The following ECD variants were observed in gnomAD, a reference collection of about 807,000 sequenced individuals.
ECD encodes the protein protein ecdysoneless homolog.
In ECD, 59 loss-of-function variants were observed where a neutral mutation model predicts 77.2. That is an observed-to-expected ratio of 0.76 (90% CI 0.62 to 0.95). ECD has a LOEUF of 0.95. Among genes scored for constraint, ECD ranks in the 40% least tolerant of loss-of-function variants. ECD has a pLI of 0.00. For missense variants in ECD, 704 were observed against 763.4 expected, an observed-to-expected ratio of 0.92 and a Z score of 0.92; for synonymous variants, 233 against 267.4, an observed-to-expected ratio of 0.87 and a Z score of 1.26.
At chr10:73,155,552 G>GA (rs951306352) in intron 5 of ECD, among the ~76,000 whole-genome samples, 1 of 145,356 alleles carries the variant, frequency 6.9e-6, no homozygotes, top group African/African-American at 2.5e-5. Context: ...CAGAACAACA[G>GA]AAAAAACCTG....
At chr10:73,147,113 G>A (rs1460314375) in intron 8 of ECD, among the ~76,000 whole-genome samples, 3 of 145,124 alleles carry the variant, frequency 2.1e-5, no homozygotes, top group Admixed American at 2.0e-4. Context: ...AGGCAATGGT[G>A]GCACATGCCT....
chr10:73,141,122 T>C (rs893592270), intron 9 of ECD, among the ~76,000 whole-genome samples: 2 of 151,978 alleles, frequency 1.3e-5, no homozygotes, highest in South Asian at 2.1e-4. Context: ...GGAAGTTCTT[T>C]AACTTTTGCA....
rs140680519 is a variant in ECD at position 73,154,367 on chromosome 10, G to T, written c.672C>A (p.Arg224=). ...PAGIVAVLKQ[R]PRLVAAAVQA... ...GGACTGCTGCAGCCACCAATCTGGG[G>T]CGCTGCTTTAGCACTGCCACAATGC... The change falls in exon 6 of 14, where the codon CGC becomes CGA. Residue 224 remains arginine, a synonymous_variant. Coordinates refer to ENST00000372979, the MANE Select transcript of ECD (RefSeq NM_007265.3). 65 of 1,614,134 alleles carry T rather than the reference G, an allele frequency of 4.0e-5. No individual in the cohort carries two copies. The African/African-American group carries it at 7.6e-4, about 19-fold the overall frequency.
intron 6 of ECD, 93 bp from the exon 7 acceptor site, chr10:73,152,514 T>C: frequency 7.1e-7 from 1 of 1,406,614 alleles, no homozygotes; most frequent in Non-Finnish European, 9.8e-7. Context: ...AGTCCATTTA[T>C]AAGCTTCATA....
intron 1 of ECD, among the ~76,000 whole-genome samples, chr10:73,166,915 A>C (rs549963001): frequency 6.6e-6 from 1 of 152,282 alleles, no homozygotes; most frequent in South Asian, 2.1e-4. Flanking sequence ...AGTTTCCCCA[A>C]TATTTCCTTT....
At chr10:73,145,837 G>A (rs1164692774) in intron 9 of ECD, among the ~76,000 whole-genome samples, 5 of 151,908 alleles carry the variant, frequency 3.3e-5, no homozygotes, top group Admixed American at 2.6e-4. Context: ...TAGATACGGG[G>A]TTTCACCATG....
chr10:73,144,637 G>A (rs887090378), intron 9 of ECD, among the ~76,000 whole-genome samples: 1 of 152,056 alleles, frequency 6.6e-6, no homozygotes, highest in Non-Finnish European at 1.5e-5. Context: ...TCTGCCTATG[G>A]AGTAGCCATT....
Position 73,156,631 on chromosome 10 carries a change from G to A in ECD, c.348C>T (p.Phe116=), listed in dbSNP as rs767505500. Residue 116 remains phenylalanine, a synonymous_variant, in exon 4 of 14, where the codon TTC becomes TTT. Transcript: ENST00000372979. The part of the protein sequence containing the change: ...VARIEDNDGE[F]LLIEAADFLP... ...GAAAGTCAGCAGCTTCTATTAACAA[G>A]AATTCACCATCATTGTCTTCAATCC... 6.2e-7 allele frequency: 1 copy of A among 1,613,694 alleles called. No homozygotes were observed. Among genetic ancestry groups the A allele is most frequent in the South Asian group, 1.1e-5 (1 of 91,064 alleles).
chr10:73,142,132 T>C (rs1231025292), intron 9 of ECD, among the ~76,000 whole-genome samples: 1 of 151,890 alleles, frequency 6.6e-6, no homozygotes, highest in Non-Finnish European at 1.5e-5. Flanking sequence ...ATTTTTAATT[T>C]GAGTAGCTGG....
intron 3 of ECD, among the ~76,000 whole-genome samples, chr10:73,158,820 T>G (rs1046676737): frequency 3.3e-5 from 5 of 152,150 alleles, no homozygotes; most frequent in Non-Finnish European, 7.3e-5. Context: ...GGAGGATGGC[T>G]TGAGCCCAGG....
rs570076178 is a variant in ECD at position 73,148,535 on chromosome 10, A to T, written c.913-131T>A. 1.5e-3 allele frequency: 1,387 copies of T among 936,228 alleles called. 6 individuals carry two copies. The highest frequency in any genetic ancestry group is 4.1e-3 in the Admixed American group (118 of 28,448). The allele number at this position is 936,228 out of a possible 1,614,324, so 58.0% of individuals were successfully genotyped here. A position where few individuals can be genotyped will look rare whatever the true frequency, so the allele number is the denominator to read the frequency against. ...TGGATACATGGGCATTTGGACAATT[A>T]TAACACTTTTTGAATTTTATGAAAA... On this transcript the variant is annotated intron_variant, in intron 7 of 13. Coordinates refer to ENST00000372979, the MANE Select transcript of ECD (RefSeq NM_007265.3).
chr10:73,167,279 T>G (rs1310560868), intron 1 of ECD, among the ~76,000 whole-genome samples: 1 of 152,188 alleles, frequency 6.6e-6, no homozygotes, highest in Non-Finnish European at 1.5e-5. Flanking sequence ...TTGGCTATTC[T>G]GGCTCTTTTG....
At position 73,134,007 on chromosome 10, in the gene ECD, A is replaced by C. The variant is rs1173351810; in HGVS notation, c.*576T>G. On this transcript the variant is annotated 3_prime_UTR_variant, in exon 14 of 14. Transcript: ENST00000372979. ...GCACAATTTTGTAAATATACTAAAA[A>C]CCACTGAATTGTATAATTTAAAGGG... 2.6e-5 allele frequency: 4 copies of C among 152,442 alleles called. No homozygotes were observed. Among genetic ancestry groups the C allele is most frequent in the Non-Finnish European group, 5.9e-5 (4 of 68,298 alleles). The allele number at this position is 152,442 out of a possible 1,614,324, so 9.4% of individuals were successfully genotyped here.
In ECD at chr10:73,165,618, G is replaced by GTT. The variant is rs58191783; in HGVS notation, c.-13-1670_-13-1669dup. Reference sequence around the variant, plus strand: ...ACCTGCCTCGGCCTCCCAAAGTGCTGTTTTTTTTTTTTAATTTTTAAGGGT... The same window carrying GTT: ...ACCTGCCTCGGCCTCCCAAAGTGCTGTTTTTTTTTTTTTTAATTTTTAAGGGT... On this transcript the variant is annotated intron_variant, in intron 1 of 13. Transcript: ENST00000372979. Among the ~76,000 whole-genome samples the GTT allele has an allele frequency of 1.3e-3, 180 of 143,912 alleles. 1 individual carries two copies. The highest frequency in any genetic ancestry group is 2.1e-3 in the African/African-American group (85 of 39,688). The allele number at this position is 143,912 out of a possible 152,430, so 94.4% of individuals were successfully genotyped here. A position where few individuals can be genotyped will look rare whatever the true frequency, so the allele number is the denominator to read the frequency against.
chr10:73,137,272 C>T (rs1028774502), intron 12 of ECD, among the ~76,000 whole-genome samples: 1 of 152,140 alleles, frequency 6.6e-6, no homozygotes, highest in African/African-American at 2.4e-5. Context: ...TCTCCAATCT[C>T]ACTCTCTCCC....
chr10:73,148,367 G>A lies in ECD; in HGVS notation c.950C>T (p.Pro317Leu). 6.2e-7 allele frequency: 1 copy of A among 1,613,820 alleles called. No homozygotes were observed. Among genetic ancestry groups the A allele is most frequent in the Non-Finnish European group, 8.5e-7 (1 of 1,179,826 alleles). The change falls in exon 8 of 14, where the codon CCA becomes CTA. Residue 317 changes from proline to leucine, a missense_variant. Coordinates refer to ENST00000372979, the MANE Select transcript of ECD (RefSeq NM_007265.3). The part of the protein sequence containing the change: ...GFEILCSKCS[P>L]HFSDCKKSLV... ...GGATTTCTTGCAGTCAGAAAAATGT[G>A]GGCTACATTTGGAGCATAAGATCTC...
At chr10:73,144,945 G>C (rs925727508) in intron 9 of ECD, among the ~76,000 whole-genome samples, 3 of 152,250 alleles carry the variant, frequency 2.0e-5, no homozygotes, top group African/African-American at 7.2e-5. Flanking sequence ...AAATGCTTGA[G>C]GTGATGGAAA....
At chr10:73,162,000 CT>C (rs1382770214) in intron 2 of ECD, among the ~76,000 whole-genome samples, 34 of 152,214 alleles carry the variant, frequency 2.2e-4, no homozygotes, top group African/African-American at 8.0e-4. Context: ...CCAACCAACT[CT>C]TCTTCTCCCC....
At chr10:73,164,371 A>G (rs1366367274) in intron 1 of ECD, among the ~76,000 whole-genome samples, 2 of 151,944 alleles carry the variant, frequency 1.3e-5, no homozygotes, top group Non-Finnish European at 2.9e-5. Flanking sequence ...ATAAATAAAA[A>G]TAAAAAATAA....
Sources: gnomAD v4.1 joint callset for allele counts (sites outside exome capture counted in the v4.1 genomes callset) on GRCh38, gnomAD v4.1.1 for gene constraint, MANE v1.5 for transcripts, NCBI Gene and HGNC (gene_info 2026-07-23, HGNC 2026-07-21) for gene names.